Variants in KLHL26 observed in about 807,000 individuals in gnomAD.
KLHL26 encodes the protein kelch like family member 26, also known as kelch-like protein 26.
Under a neutral mutation model 7.1 loss-of-function variants are expected in KLHL26, and 4 were observed. That is an observed-to-expected ratio of 0.56 (90% CI 0.28 to 1.28). KLHL26 has a LOEUF of 1.28. Ranked by LOEUF, KLHL26 falls within the 50% of genes most tolerant of loss-of-function variation. The probability of loss-of-function intolerance (pLI) is 0.11; values close to 1 mark genes in which losing one functional copy is unlikely to be tolerated. For synonymous variants in KLHL26, 465 were observed against 414.1 expected, an observed-to-expected ratio of 1.12 and a Z score of -1.49; for missense variants, 896 against 924.6, an observed-to-expected ratio of 0.97 and a Z score of 0.40.
chr19:18,662,142 A>G (rs2052397873), intron 1 of KLHL26, among the ~76,000 whole-genome samples: 1 of 152,164 alleles, frequency 6.6e-6, no homozygotes, highest in Non-Finnish European at 1.5e-5. Context: ...GTCCCAGTGC[A>G]ACGTGTTTCT....
chr19:18,653,604 C>T, intron 1 of KLHL26, among the ~76,000 whole-genome samples: 1 of 58,062 alleles, frequency 1.7e-5, no homozygotes, highest in African/African-American at 7.9e-5. Flanking sequence ...CACCTAGGCA[C>T]CCACCCACCC....
At position 18,667,751 on chromosome 19, in the gene KLHL26, C is replaced by T. The variant is rs377410964; in HGVS notation, c.354C>T (p.Ile118=). 2.8e-4 allele frequency: 449 copies of T among 1,613,172 alleles called. No homozygotes were observed. The highest frequency in any genetic ancestry group is 3.7e-4 in the Non-Finnish European group (436 of 1,180,016). The part of the protein sequence containing the change: ...GVSARGLRHI[I]DFAYSAEVTL... Reference sequence around the variant, plus strand: ...CGGCCCGTGGCCTGCGGCACATCATCGACTTCGCCTACAGCGCCGAGGTGA... The same window carrying T: ...CGGCCCGTGGCCTGCGGCACATCATTGACTTCGCCTACAGCGCCGAGGTGA... The change falls in exon 3 of 3, where the codon ATC becomes ATT. Residue 118 remains isoleucine (I), a synonymous_variant. Coordinates refer to ENST00000300976, the MANE Select transcript of KLHL26 (RefSeq NM_018316.3).
chr19:18,655,506 G>C (rs764650672), intron 1 of KLHL26, among the ~76,000 whole-genome samples: 1 of 152,230 alleles, frequency 6.6e-6, no homozygotes, highest in Non-Finnish European at 1.5e-5. Flanking sequence ...GAACTTCTCT[G>C]TGCCTTCATT....
chr19:18,660,498 T>G (rs1467391714), intron 1 of KLHL26, among the ~76,000 whole-genome samples: 1 of 152,178 alleles, frequency 6.6e-6, no homozygotes, highest in Non-Finnish European at 1.5e-5. Flanking sequence ...GCCACCGCCT[T>G]CCTGGGGGCC....
At chr19:18,641,316 C>T (rs1467777493) in intron 1 of KLHL26, among the ~76,000 whole-genome samples, 7 of 105,134 alleles carry the variant, frequency 6.7e-5, no homozygotes, top group Admixed American at 1.1e-4. Context: ...GTTGGGTTGC[C>T]TTTTTTTTTT....
intron 1 of KLHL26, among the ~76,000 whole-genome samples, chr19:18,643,617 T>G (rs8107586): frequency 0.1 from 15,856 of 151,714 alleles, 980 homozygotes; most frequent in African/African-American, 0.17. Flanking sequence ...TAGCTGAGAT[T>G]ACAGACATGT....
intron 1 of KLHL26, among the ~76,000 whole-genome samples, chr19:18,640,321 A>G (rs997599138): frequency 2.6e-5 from 4 of 151,394 alleles, no homozygotes; most frequent in Admixed American, 2.6e-4. Flanking sequence ...TGTAGCCTCT[A>G]CCTCCTTGGG....
In KLHL26 at chr19:18,668,372, G is replaced by T; in HGVS notation, c.975G>T (p.Ser325=). ...CGCCCTACACCGACAGCGACCGCTC[G>T]GTCAGCAGCAAGGTCTACCAGCTGC... ...GGTPYTDSDR[S]VSSKVYQLPE... Residue 325 remains serine (S), a synonymous_variant, in exon 3 of 3, where the codon TCG becomes TCT. Coordinates refer to ENST00000300976, the MANE Select transcript of KLHL26 (RefSeq NM_018316.3). 6.2e-7 allele frequency: 1 copy of T among 1,607,738 alleles called. No homozygotes were observed.
At position 18,669,236 on chromosome 19, in the gene KLHL26, C is replaced by G. The variant is rs2052499169; in HGVS notation, c.1839C>G (p.Thr613=). 1.2e-6 allele frequency: 2 copies of G among 1,608,644 alleles called. No individual in the cohort carries two copies. Among genetic ancestry groups the G allele is most frequent in the African/African-American group, 1.3e-5 (1 of 74,902 alleles). ...CAPVLLPRAG[T]RR The stretch of plus-strand genomic sequence containing the variant: ...CCGTCCTGCTGCCCCGGGCCGGGAC[C>G]AGGAGGTAGCCCCCAAGACCCCCGG... Residue 613 remains threonine, a synonymous_variant, in exon 3 of 3, where the codon ACC becomes ACG. Coordinates refer to ENST00000300976, the MANE Select transcript of KLHL26 (RefSeq NM_018316.3).
chr19:18,646,139 A>G lies in KLHL26; in HGVS notation c.83+9002A>G, dbSNP rs1568455455. ...GCCCCTTTCTTTTTTATTATTATTA[A>G]TTTTTTTTGACGTCACTCTGAGCTC... is the stretch of plus-strand genomic sequence containing the variant. On this transcript the variant is annotated intron_variant, in intron 1 of 2. Coordinates refer to ENST00000300976, the MANE Select transcript of KLHL26 (RefSeq NM_018316.3). The surrounding 1 kb of genome is among the most constrained non-coding windows in gnomAD (Gnocchi z 5.0). Among the ~76,000 whole-genome samples, 2 of 151,012 alleles carry G rather than the reference A, an allele frequency of 1.3e-5. No individual in the cohort carries two copies.
intron 1 of KLHL26, among the ~76,000 whole-genome samples, chr19:18,644,057 C>T (rs1320770602): frequency 6.6e-6 from 1 of 152,212 alleles, no homozygotes; most frequent in African/African-American, 2.4e-5. Flanking sequence ...ACCCCATCTT[C>T]ATTAGCACTA....
At position 18,650,413 on chromosome 19, in the gene KLHL26, G is replaced by A. The variant is rs1449705371; in HGVS notation, c.83+13276G>A. Among the ~76,000 whole-genome samples the A allele has an allele frequency of 2.0e-5, 3 of 152,118 alleles. No individual in the cohort carries two copies. Among genetic ancestry groups the A allele is most frequent in the Non-Finnish European group, 4.4e-5 (3 of 68,014 alleles). On this transcript the variant is annotated intron_variant, in intron 1 of 2. Transcript: ENST00000300976. The surrounding 1 kb of genome is among the most constrained non-coding windows in gnomAD (Gnocchi z 4.2). ...GGACCCCCAAGACACCCTCTCTGTT[G>A]CCATCAGCCTGAGTCATCCTCTATC...
At chr19:18,651,701 G>C (rs1240598877) in intron 1 of KLHL26, among the ~76,000 whole-genome samples, 1 of 152,270 alleles carries the variant, frequency 6.6e-6, no homozygotes. Flanking sequence ...CCTGCCAGTG[G>C]AGGCAGTGGG....
intron 1 of KLHL26, among the ~76,000 whole-genome samples, 181 bp downstream of exon 1, chr19:18,637,318 G>A (rs1337806247): frequency 6.6e-6 from 1 of 152,118 alleles, no homozygotes; most frequent in Non-Finnish European, 1.5e-5. Flanking sequence ...TGAGGGGGTG[G>A]CTGGAGGGGG....
intron 1 of KLHL26, among the ~76,000 whole-genome samples, chr19:18,653,273 C>A (rs542561372): frequency 2.0e-5 from 3 of 150,926 alleles, no homozygotes; most frequent in African/African-American, 7.3e-5. Context: ...ATCTATCTGC[C>A]ACCCACTCAC....
In KLHL26 at chr19:18,664,450, G is replaced by T; in HGVS notation, c.266+7G>T. On this transcript the variant is annotated splice_region_variant and intron_variant, in intron 2 of 2. Coordinates refer to ENST00000300976, the MANE Select transcript of KLHL26 (RefSeq NM_018316.3). ...CCTGCAGCGACTACTTCAGGTAAGT[G>T]CTGGCCCCAGGCAGCTGGAAGGGGC... is the stretch of plus-strand genomic sequence containing the variant. 6.4e-7 allele frequency: 1 copy of T among 1,553,170 alleles called. No individual in the cohort carries two copies.
chr19:18,652,377 G>A (rs183487664), intron 1 of KLHL26, among the ~76,000 whole-genome samples: 1,888 of 152,118 alleles, frequency 0.012, 21 homozygotes, highest in South Asian at 0.049. Flanking sequence ...ATCACCTGAG[G>A]CCGAGAGTTC....
intron 1 of KLHL26, among the ~76,000 whole-genome samples, chr19:18,663,899 GT>G (rs1361931471): frequency 6.6e-6 from 1 of 152,036 alleles, no homozygotes; most frequent in East Asian, 1.9e-4. Flanking sequence ...GTGTCCTTTG[GT>G]TTTTTTATTG....
At chr19:18,664,581 C>T in intron 2 of KLHL26, 138 bp downstream of exon 2, 1 of 616,048 alleles carries the variant, frequency 1.6e-6, no homozygotes, top group East Asian at 3.1e-5. Context: ...CTGGTACCGG[C>T]TGCTCTTTTT....
Sources: gnomAD v4.1 joint callset for allele counts (sites outside exome capture counted in the v4.1 genomes callset) on GRCh38, gnomAD v4.1.1 for gene constraint, Gnocchi (gnomAD v3.1) non-coding constraint, MANE v1.5 for transcripts, NCBI Gene and HGNC (gene_info 2026-07-23, HGNC 2026-07-21) for gene names.